Variants in STARD13 observed in about 807,000 individuals in gnomAD.
STARD13 encodes the protein stAR-related lipid transfer protein 13.
A neutral mutation model predicts 106.4 loss-of-function variants in STARD13; 62 were observed. The observed-to-expected ratio is 0.58, with a 90% CI of 0.48 to 0.72. The LOEUF (loss-of-function observed/expected upper bound fraction) is 0.72, where lower values mean the gene tolerates loss of function less well. Among genes scored for constraint, STARD13 ranks in the 30% least tolerant of loss-of-function variants. STARD13 has a pLI of 0.00. For missense variants in STARD13, 1,387 were observed against 1,424.0 expected (o/e 0.97, Z 0.42); for synonymous variants, 565 against 553.0 (o/e 1.02, Z -0.31).
chr13:33,155,070 C>T (rs1010298019), intron 3 of STARD13, among the ~76,000 whole-genome samples: 2 of 152,152 alleles, frequency 1.3e-5, no homozygotes, highest in South Asian at 2.1e-4. Flanking sequence ...CCTGAGTGAC[C>T]TCATGCACTC....
chr13:33,190,850 CT>C (rs202089454), intron 1 of STARD13, among the ~76,000 whole-genome samples: 2,861 of 152,226 alleles, frequency 0.019, 98 homozygotes, highest in African/African-American at 0.066. Flanking sequence ...TCCCAAAGTG[CT>C]GGGATTACAG....
At chr13:33,593,213 C>T in the STARD13 span, among the ~76,000 whole-genome samples, 1 of 151,986 alleles carries the variant, frequency 6.6e-6, no homozygotes, top group South Asian at 2.1e-4. Flanking sequence ...GATACAGAGT[C>T]TTGCTCTGTC....
intron 1 of STARD13, among the ~76,000 whole-genome samples, chr13:33,225,265 T>C (rs743746): frequency 0.1 from 15,798 of 152,100 alleles, 1,126 homozygotes; most frequent in African/African-American, 0.21. Context: ...ACATGGGAAA[T>C]AGGGCCATTC....
At chr13:33,106,689 C>T in intron 13 of STARD13, 69 bp downstream of exon 13, 1 of 1,371,556 alleles carries the variant, frequency 7.3e-7, no homozygotes, top group East Asian at 2.5e-5. Flanking sequence ...GGTGACATCC[C>T]TGCTGGATGT....
chr13:33,162,705 T>C (rs1882775352), intron 3 of STARD13, among the ~76,000 whole-genome samples: 1 of 152,174 alleles, frequency 6.6e-6, no homozygotes, highest in South Asian at 2.1e-4. Context: ...GTTCCTCATG[T>C]CCATCTGAGA....
chr13:33,519,652 A>C, the STARD13 span, among the ~76,000 whole-genome samples: 1 of 152,092 alleles, frequency 6.6e-6, no homozygotes, highest in Non-Finnish European at 1.5e-5. Context: ...GCCATTACAT[A>C]ATTTTTTTAG....
chr13:33,629,439 T>C, the STARD13 span, among the ~76,000 whole-genome samples: 1 of 152,232 alleles, frequency 6.6e-6, no homozygotes, highest in East Asian at 1.9e-4. Context: ...ATATGTCTTT[T>C]AGATTCTAGC....
the STARD13 span, among the ~76,000 whole-genome samples, chr13:33,543,793 G>C: frequency 6.6e-6 from 1 of 152,206 alleles, no homozygotes; most frequent in Non-Finnish European, 1.5e-5. Flanking sequence ...AGGTGATTCT[G>C]ATGCTGTTGG....
the STARD13 span, chr13:33,355,633 T>A: frequency 6.6e-6 from 1 of 152,198 alleles, no homozygotes; most frequent in Non-Finnish European, 1.5e-5. Context: ...CAACTCTTCC[T>A]TTGGTGTATC....
the STARD13 span, among the ~76,000 whole-genome samples, chr13:33,459,564 TTTCTGTACA>T: frequency 6.6e-6 from 1 of 152,202 alleles, no homozygotes; most frequent in Non-Finnish European, 1.5e-5. Context: ...TCTATGAACA[TTTCTGTACA>T]ATTCTTTGTC....
the STARD13 span, among the ~76,000 whole-genome samples, chr13:33,578,761 A>G: frequency 3.3e-5 from 5 of 152,102 alleles, no homozygotes; most frequent in Non-Finnish European, 7.4e-5. Context: ...CTGACAAAGG[A>G]CTTATATCCA....
intron 1 of STARD13, among the ~76,000 whole-genome samples, chr13:33,263,435 A>G (rs1890744991): frequency 6.6e-6 from 1 of 152,240 alleles, no homozygotes; most frequent in Non-Finnish European, 1.5e-5. Context: ...GTAAACAGCT[A>G]CAAATGAAAT....
chr13:33,124,264 A>G (rs57608739), intron 7 of STARD13, among the ~76,000 whole-genome samples: 21,023 of 152,114 alleles, frequency 0.14, 2,095 homozygotes, highest in African/African-American at 0.27. Context: ...AAGGAAAGGG[A>G]GGGACATTCC....
chr13:33,502,509 T>C, the STARD13 span, among the ~76,000 whole-genome samples: 4 of 152,344 alleles, frequency 2.6e-5, no homozygotes, highest in African/African-American at 9.6e-5. Flanking sequence ...CAGTATGATA[T>C]TGGCTGTGGA....
chr13:33,282,715 T>A (rs1178076378), intron 1 of STARD13, among the ~76,000 whole-genome samples: 1 of 152,188 alleles, frequency 6.6e-6, no homozygotes, highest in Non-Finnish European at 1.5e-5. Context: ...TATTTGCACA[T>A]GATTAATGGA....
At position 33,283,464 on chromosome 13, in the gene STARD13, G is replaced by T. The variant is rs79533996; in HGVS notation, c.169+2006C>A. Among the ~76,000 whole-genome samples, 876 of 152,282 alleles carry T rather than the reference G, an allele frequency of 5.8e-3. 8 individuals are homozygous for T. Among genetic ancestry groups the T allele is most frequent in the African/African-American group, 0.02 (819 of 41,546 alleles). On this transcript the variant is annotated intron_variant, in intron 1 of 13. Transcript: ENST00000336934. ...AAATTAACTACAATGATTTTGGTAT[G>T]CTGTAACTGTTTAATCCACATTCTC...
chr13:33,233,482 G>T (rs1889027876), intron 1 of STARD13, among the ~76,000 whole-genome samples: 1 of 152,142 alleles, frequency 6.6e-6, no homozygotes. Flanking sequence ...TGCCCTTCCT[G>T]TCCCTTCTCC....
the STARD13 span, among the ~76,000 whole-genome samples, chr13:33,609,963 A>G: frequency 2.0e-5 from 3 of 152,332 alleles, no homozygotes; most frequent in Non-Finnish European, 4.4e-5. Context: ...TTTGTAATTT[A>G]AAAAGTGGGG....
At chr13:33,448,510 G>A in the STARD13 span, among the ~76,000 whole-genome samples, 1 of 152,002 alleles carries the variant, frequency 6.6e-6, no homozygotes, top group African/African-American at 2.4e-5. Context: ...AACCACTGAG[G>A]GGATTTAGGT....
Sources: allele counts gnomAD v4.1 joint callset (sites outside exome capture counted in the v4.1 genomes callset), GRCh38; gene constraint gnomAD v4.1.1; transcripts MANE v1.5; gene names NCBI Gene and HGNC (gene_info 2026-07-23, HGNC 2026-07-21).